CLDN12: variants seen among roughly 807,000 people sequenced by gnomAD.
CLDN12 encodes the protein claudin 12.
Under a neutral mutation model 15.5 loss-of-function variants are expected in CLDN12, and 9 were observed. The observed-to-expected ratio is 0.58, with a 90% CI of 0.35 to 1.02. The LOEUF (loss-of-function observed/expected upper bound fraction) is 1.02, where lower values mean the gene tolerates loss of function less well. Among genes scored for constraint, CLDN12 ranks in the 50% least tolerant of loss-of-function variants. CLDN12 has a pLI of 0.02. For missense variants in CLDN12, 233 were observed against 297.3 expected (o/e 0.78, Z 1.59); for synonymous variants, 140 against 121.6 (o/e 1.15, Z -1.00).
chr7:90,413,968 A>C lies in CLDN12; in HGVS notation c.*557A>C. ...TTCTTTTGTGACTTTCTTCTACCTC[A>C]TGCCACTGTTTAAAAGTAAAACGTA... On this transcript the variant is annotated 3_prime_UTR_variant, in exon 4 of 4. Transcript: ENST00000496677. 1 of 984,366 alleles carries C rather than the reference A, an allele frequency of 1.0e-6. No homozygotes were observed. The highest frequency in any genetic ancestry group is 1.2e-6 in the Non-Finnish European group (1 of 816,216). 61.0% of individuals were successfully genotyped at this position (984,366 alleles called of 1,614,324 possible). A position where few individuals can be genotyped will look rare whatever the true frequency, so the allele number is the denominator to read the frequency against.
At chr7:90,408,472 G>A (rs1003435824) in intron 2 of CLDN12, among the ~76,000 whole-genome samples, 4 of 152,146 alleles carry the variant, frequency 2.6e-5, no homozygotes, top group African/African-American at 9.7e-5. Flanking sequence ...ATCATGCCCT[G>A]CACTCCAGCT....
chr7:90,411,349 A>G (rs1363068337), intron 2 of CLDN12, among the ~76,000 whole-genome samples: 1 of 152,238 alleles, frequency 6.6e-6, no homozygotes, highest in Non-Finnish European at 1.5e-5. Flanking sequence ...TAGAAGGCAG[A>G]GAAAATACAT....
In CLDN12 at chr7:90,414,836, C is replaced by T. The variant is rs886408648; in HGVS notation, c.*1425C>T. 8 of 167,004 alleles carry T rather than the reference C, an allele frequency of 4.8e-5. No individual in the cohort carries two copies. The highest frequency in any genetic ancestry group is 3.1e-3 in the Middle Eastern group (1 of 318). 10.3% of individuals were successfully genotyped at this position (167,004 alleles called of 1,614,324 possible). ...GATGGAGGAGTTATTAAAAATGTCT[C>T]TTCTGATGAGGTAACAATTAGATGA... is the stretch of plus-strand genomic sequence containing the variant. On this transcript the variant is annotated 3_prime_UTR_variant, in exon 4 of 4. Transcript: ENST00000496677.
rs999866390 is a variant in CLDN12, at chr7:90,413,487, T to A, written c.*76T>A. 1 of 1,535,718 alleles carries A rather than the reference T, an allele frequency of 6.5e-7. No homozygotes were observed. Among genetic ancestry groups the A allele is most frequent in the Non-Finnish European group, 8.7e-7 (1 of 1,144,738 alleles). Reference sequence around the variant, plus strand: ...CTTGTGCAAAGAGCTCTTTTGGACCTACATACATTTTCCTTTGTTTTTGAC... The same window carrying A: ...CTTGTGCAAAGAGCTCTTTTGGACCAACATACATTTTCCTTTGTTTTTGAC... On this transcript the variant is annotated 3_prime_UTR_variant, in exon 4 of 4. Coordinates refer to ENST00000496677, the MANE Select transcript of CLDN12 (RefSeq NM_001185072.3).
rs934556413 is a variant in CLDN12 at position 90,405,329 on chromosome 7, G to A, written c.-166-190G>A. On this transcript the variant is annotated intron_variant, in intron 1 of 3. Transcript: ENST00000496677. ...TCCCGCCTCAGCTTCCCAAAGTGTT[G>A]GGATTACAGGTGTAAGCCACTGTGC... Among the ~76,000 whole-genome samples the A allele has an allele frequency of 2.2e-4, 34 of 152,230 alleles. No individual in the cohort carries two copies. In the South Asian group the frequency reaches 3.3e-3, roughly 15 times the overall value.
chr7:90,413,955 T>C lies in CLDN12; in HGVS notation c.*544T>C. 1.0e-6 allele frequency: 1 copy of C among 989,942 alleles called. No homozygotes were observed. The highest frequency in any genetic ancestry group is 1.2e-6 in the Non-Finnish European group (1 of 821,182). The allele number at this position is 989,942 out of a possible 1,614,324, so 61.3% of individuals were successfully genotyped here. ...GTTGAAGATTACTTTCTTTTGTGAC[T>C]TTCTTCTACCTCATGCCACTGTTTA... is the stretch of plus-strand genomic sequence containing the variant. On this transcript the variant is annotated 3_prime_UTR_variant, in exon 4 of 4. Coordinates refer to ENST00000496677, the MANE Select transcript of CLDN12 (RefSeq NM_001185072.3).
chr7:90,413,554 T>C lies in CLDN12; in HGVS notation c.*143T>C. The C allele has an allele frequency of 6.9e-7, 1 of 1,440,716 alleles. No individual in the cohort carries two copies. Among genetic ancestry groups the C allele is most frequent in the Non-Finnish European group, 9.1e-7 (1 of 1,096,842 alleles). The allele number at this position is 1,440,716 out of a possible 1,614,324, so 89.2% of individuals were successfully genotyped here. ...ATTTATATGTCCTAGTAGAATGAAG[T>C]GCTGCTAGTTTTTATGAGAAGTATA... On this transcript the variant is annotated 3_prime_UTR_variant, in exon 4 of 4. Coordinates refer to ENST00000496677, the MANE Select transcript of CLDN12 (RefSeq NM_001185072.3).
intron 2 of CLDN12, 141 bp from the exon 3 acceptor site, chr7:90,411,866 C>G (rs1175344945): frequency 6.6e-6 from 1 of 152,184 alleles, no homozygotes; most frequent in Non-Finnish European, 1.5e-5. Flanking sequence ...AGCTGGGTCA[C>G]TGAATGCTAA....
At chr7:90,411,046 A>G (rs1339751695) in intron 2 of CLDN12, among the ~76,000 whole-genome samples, 1 of 152,106 alleles carries the variant, frequency 6.6e-6, no homozygotes, top group East Asian at 1.9e-4. Context: ...ATATGACTAG[A>G]TTAAATATAC....
chr7:90,412,563 T>A (rs1328229281), intron 3 of CLDN12, 81 bp from the exon 4 acceptor site: 1 of 1,079,918 alleles, frequency 9.3e-7, no homozygotes, highest in Non-Finnish European at 1.3e-6. Flanking sequence ...TCATTAGATG[T>A]GTTGCCAGTT....
In CLDN12 at chr7:90,413,461, C is replaced by A; in HGVS notation, c.*50C>A. On this transcript the variant is annotated 3_prime_UTR_variant, in exon 4 of 4. Coordinates refer to ENST00000496677, the MANE Select transcript of CLDN12 (RefSeq NM_001185072.3). ...AAAACTTCTTGTAGCCTCACATTCCCCTTGTGCAAAGAGCTCTTTTGGACC... is the reference window on the plus strand; with the variant it reads ...AAAACTTCTTGTAGCCTCACATTCCACTTGTGCAAAGAGCTCTTTTGGACC... 3 of 1,575,190 alleles carry A rather than the reference C, an allele frequency of 1.9e-6. No individual in the cohort carries two copies. The highest frequency in any genetic ancestry group is 2.6e-6 in the Non-Finnish European group (3 of 1,160,814).
intron 1 of CLDN12, among the ~76,000 whole-genome samples, chr7:90,405,250 A>T (rs1796812069): frequency 6.6e-6 from 1 of 152,142 alleles, no homozygotes; most frequent in African/African-American, 2.4e-5. Context: ...TTTAGGAGAG[A>T]TGGGGTTTTG....
rs1318404977 is a variant in CLDN12 at position 90,413,967 on chromosome 7, C to T, written c.*556C>T. The T allele has an allele frequency of 1.0e-6, 1 of 983,466 alleles. No individual in the cohort carries two copies. Among genetic ancestry groups the T allele is most frequent in the Non-Finnish European group, 1.2e-6 (1 of 815,564 alleles). 60.9% of individuals were successfully genotyped at this position (983,466 alleles called of 1,614,324 possible). A position where few individuals can be genotyped will look rare whatever the true frequency, so the allele number is the denominator to read the frequency against. ...TTTCTTTTGTGACTTTCTTCTACCT[C>T]ATGCCACTGTTTAAAAGTAAAACGT... is the stretch of plus-strand genomic sequence containing the variant. On this transcript the variant is annotated 3_prime_UTR_variant, in exon 4 of 4. Transcript: ENST00000496677.
In CLDN12 at chr7:90,414,157, G is replaced by A; in HGVS notation, c.*746G>A. ...CTGAGGCAGAAAACTCTTTTTTGGA[G>A]ATATCTTCCATCAAGCAGTACTCGT... On this transcript the variant is annotated 3_prime_UTR_variant, in exon 4 of 4. Coordinates refer to ENST00000496677, the MANE Select transcript of CLDN12 (RefSeq NM_001185072.3). 3 of 1,000,044 alleles carry A rather than the reference G, an allele frequency of 3.0e-6. No homozygotes were observed. The highest frequency in any genetic ancestry group is 3.6e-6 in the Non-Finnish European group (3 of 829,966). The allele number at this position is 1,000,044 out of a possible 1,614,324, so 61.9% of individuals were successfully genotyped here.
At chr7:90,404,648 GACA>G (rs1188796642) in intron 1 of CLDN12, among the ~76,000 whole-genome samples, 1 of 151,936 alleles carries the variant, frequency 6.6e-6, no homozygotes, top group Non-Finnish European at 1.5e-5. Flanking sequence ...TTACTTCCAA[GACA>G]ACTGCACAGT....
Position 90,412,909 on chromosome 7 carries a change from T to C in CLDN12, c.233T>C (p.Val78Ala). 6.2e-7 allele frequency: 1 copy of C among 1,614,168 alleles called. No individual in the cohort carries two copies. The highest frequency in any genetic ancestry group is 8.5e-7 in the Non-Finnish European group (1 of 1,180,030). The change falls in exon 4 of 4, where the codon GTT (valine) becomes GCT (alanine). Residue 78 changes from valine (V) to alanine (A), a missense_variant. Val to Ala is a moderately conservative substitution (Grantham distance 64). Coordinates refer to ENST00000496677, the MANE Select transcript of CLDN12 (RefSeq NM_001185072.3). ...LMYDTTWYSS[V>A]DQLDLRVLQF... The stretch of plus-strand genomic sequence containing the variant: ...TACGACACTACTTGGTACTCATCAG[T>C]TGACCAGCTGGACCTGCGTGTCCTC...
chr7:90,408,529 T>C (rs1326081819), intron 2 of CLDN12, among the ~76,000 whole-genome samples: 10 of 152,106 alleles, frequency 6.6e-5, no homozygotes, highest in Non-Finnish European at 2.9e-5. Context: ...ACTTTATCTC[T>C]CTGGTGGGAT....
chr7:90,408,755 T>TTCA (rs1796894016), intron 2 of CLDN12, among the ~76,000 whole-genome samples: 1 of 152,160 alleles, frequency 6.6e-6, no homozygotes, highest in Non-Finnish European at 1.5e-5. Flanking sequence ...CTAAGAATGC[T>TTCA]TCATCAAAGG....
chr7:90,408,991 G>C (rs1391462588), intron 2 of CLDN12: 1 of 151,546 alleles, frequency 6.6e-6, no homozygotes, highest in Non-Finnish European at 1.5e-5. Context: ...CAAACTCCTG[G>C]GCTCAAGCTA....
Sources: gnomAD v4.1 joint callset for allele counts (sites outside exome capture counted in the v4.1 genomes callset) on GRCh38, gnomAD v4.1.1 for gene constraint, MANE v1.5 for transcripts, NCBI Gene and HGNC (gene_info 2026-07-23, HGNC 2026-07-21) for gene names.